The following EMSY variants were observed in gnomAD, a reference collection of about 807,000 sequenced individuals.
EMSY encodes the protein BRCA2-interacting transcriptional repressor EMSY.
Under a neutral mutation model 134.6 loss-of-function variants are expected in EMSY, and 26 were observed. That is an observed-to-expected ratio of 0.19 (90% CI 0.14 to 0.27). EMSY has a LOEUF of 0.27. Ranked by LOEUF, EMSY falls within the 10% of genes least tolerant of loss-of-function variation. The pLI is 1.00. For missense variants in EMSY, 1,305 were observed against 1,611.4 expected (o/e 0.81, Z 3.26); for synonymous variants, 579 against 577.8 (o/e 1.00, Z -0.03).
intron 9 of EMSY, among the ~76,000 whole-genome samples, chr11:76,508,568 C>A (rs1235030297): frequency 6.6e-6 from 1 of 152,180 alleles, no homozygotes; most frequent in Non-Finnish European, 1.5e-5. Context: ...ACAAGAGAGT[C>A]AGTCTGTTCT....
At chr11:76,458,416 T>C (rs969651472) in intron 5 of EMSY, 58 bp downstream of exon 6, 2 of 1,463,862 alleles carry the variant, frequency 1.4e-6, no homozygotes, top group Non-Finnish European at 1.8e-6. Flanking sequence ...TTCAAGAAAA[T>C]TTCAAGAAAA....
At chr11:76,540,877 G>GGTTA (rs1237946453) in intron 17 of EMSY, among the ~76,000 whole-genome samples, 1 of 152,140 alleles carries the variant, frequency 6.6e-6, no homozygotes, top group Non-Finnish European at 1.5e-5. Context: ...TAATTCAAAG[G>GGTTA]GTTAGTTTCC....
In EMSY at chr11:76,470,028, A is replaced by T. The variant is rs184328653; in HGVS notation, c.832-2536A>T. 3.4e-3 allele frequency among the ~76,000 whole-genome samples: 518 copies of T among 152,296 alleles called. 3 individuals carry two copies. Among genetic ancestry groups the T allele is most frequent in the Non-Finnish European group, 6.0e-3 (406 of 68,016 alleles). ...AATGGACAAGTACTTATATCTTGTA[A>T]TTCTCTGTAACACTGGATAAGAACT... On this transcript the variant is annotated intron_variant, in intron 7 of 20. Coordinates refer to ENST00000334736, the Ensembl canonical transcript of EMSY.
At chr11:76,502,932 C>T (rs1354207278) in intron 9 of EMSY, among the ~76,000 whole-genome samples, 1 of 152,074 alleles carries the variant, frequency 6.6e-6, no homozygotes, top group Non-Finnish European at 1.5e-5. Flanking sequence ...AATTGACAAG[C>T]TAACTCCAAA....
chr11:76,509,594 CTG>C (rs1183648418), intron 9 of EMSY, among the ~76,000 whole-genome samples: 1 of 152,142 alleles, frequency 6.6e-6, no homozygotes, highest in Non-Finnish European at 1.5e-5. Flanking sequence ...ACCTGTATCA[CTG>C]TAGAATGAAG....
At chr11:76,447,735 T>C (rs1947479558) in intron 2 of EMSY, among the ~76,000 whole-genome samples, 1 of 152,094 alleles carries the variant, frequency 6.6e-6, no homozygotes, top group Non-Finnish European at 1.5e-5. Flanking sequence ...CTTGGGAAAA[T>C]TGAGAAAAAG....
At chr11:76,463,911 C>T (rs267603196) in exon 7 of EMSY, 1 of 1,614,142 alleles carries the variant, frequency 6.2e-7, no homozygotes, top group Non-Finnish European at 8.5e-7. Flanking sequence ...AAGGAAGTTC[C>T]AAAGGCCGTT....
chr11:76,489,583 T>C (rs186294125), intron 8 of EMSY, among the ~76,000 whole-genome samples: 2 of 151,578 alleles, frequency 1.3e-5, no homozygotes, highest in African/African-American at 2.4e-5. Flanking sequence ...CCAACTTTCT[T>C]ATGATTACTG....
At chr11:76,552,696 G>A (rs560313802), downstream of EMSY, 11 of 152,214 alleles carry the variant, frequency 7.2e-5, no homozygotes, top group African/African-American at 1.4e-4. Flanking sequence ...AAAGTATACC[G>A]TTTAATGGTT....
At chr11:76,523,069 T>C (rs1272423424) in intron 11 of EMSY, 86 bp from the exon 13 acceptor site, 5 of 1,295,136 alleles carry the variant, frequency 3.9e-6, no homozygotes, top group Non-Finnish European at 5.3e-6. Context: ...ATTTACTATA[T>C]GTACTAATTG....
At chr11:76,530,310 C>T (rs1359086256) in intron 14 of EMSY, among the ~76,000 whole-genome samples, 1 of 152,014 alleles carries the variant, frequency 6.6e-6, no homozygotes, top group Non-Finnish European at 1.5e-5. Flanking sequence ...CAAGCACGCA[C>T]CACCATGCCC....
chr11:76,526,438 A>G, intron 12 of EMSY, 24 bp from the exon 14 acceptor site: 1 of 1,573,822 alleles, frequency 6.4e-7, no homozygotes, highest in Non-Finnish European at 8.6e-7. Context: ...TAAATCTCTT[A>G]TATAATCATT....
chr11:76,542,445 A>T, intron 18 of EMSY, 78 bp downstream of exon 19: 1 of 1,517,502 alleles, frequency 6.6e-7, no homozygotes, highest in South Asian at 1.1e-5. Context: ...CTTGTATTTT[A>T]AGAGGAGAAA....
intron 8 of EMSY, 148 bp from the exon 10 acceptor site, chr11:76,496,067 A>G (rs1226809222): frequency 2.5e-6 from 2 of 790,096 alleles, no homozygotes; most frequent in Non-Finnish European, 1.9e-6. Flanking sequence ...GGTGCCACAC[A>G]TTTTATCTGA....
chr11:76,547,286 T>C (rs1951686922), intron 20 of EMSY, among the ~76,000 whole-genome samples: 1 of 152,192 alleles, frequency 6.6e-6, no homozygotes, highest in Admixed American at 6.5e-5. Flanking sequence ...TATGGGAGAA[T>C]GCAAATTGAC....
exon 16 of EMSY, chr11:76,537,866 A>G: frequency 6.2e-7 from 1 of 1,613,580 alleles, no homozygotes; most frequent in Non-Finnish European, 8.5e-7. Flanking sequence ...GCCTATTCAG[A>G]TGACCCAGGA....
chr11:76,455,168 G>C (rs1295123623), intron 4 of EMSY, among the ~76,000 whole-genome samples: 2 of 152,056 alleles, frequency 1.3e-5, no homozygotes, highest in African/African-American at 4.8e-5. Context: ...ATGGATAATT[G>C]AGAGTTGGCT....
chr11:76,538,070 A>C (rs1951291234), intron 16 of EMSY, 120 bp downstream of exon 17: 2 of 897,652 alleles, frequency 2.2e-6, no homozygotes, highest in East Asian at 6.0e-5. Context: ...CTTTGTTTTC[A>C]GAGCAAATTC....
At chr11:76,532,930 T>C (rs1052266871) in intron 14 of EMSY, among the ~76,000 whole-genome samples, 4 of 152,156 alleles carry the variant, frequency 2.6e-5, no homozygotes, top group African/African-American at 7.2e-5. Context: ...AGAGCAATTA[T>C]GTGCTAATAT....
Sources: allele counts gnomAD v4.1 joint callset (sites outside exome capture counted in the v4.1 genomes callset), GRCh38; gene constraint gnomAD v4.1.1; transcripts MANE v1.5; gene names NCBI Gene and HGNC (gene_info 2026-07-23, HGNC 2026-07-21).